The following TLK1 variants were observed in gnomAD, a reference collection of about 807,000 sequenced individuals.
TLK1 encodes serine/threonine-protein kinase tousled-like 1.
A neutral mutation model predicts 105.3 loss-of-function variants in TLK1; 24 were observed. The ratio of observed to expected loss-of-function variants is 0.23; its 90% confidence interval spans 0.17 to 0.32. TLK1 has a LOEUF of 0.32. Ranked by LOEUF, TLK1 falls within the 10% of genes least tolerant of loss-of-function variation. TLK1 has a pLI of 1.00. For synonymous variants in TLK1, 321 were observed against 310.4 expected, an observed-to-expected ratio of 1.03 and a Z score of -0.36; for missense variants, 558 against 910.5, an observed-to-expected ratio of 0.61 and a Z score of 4.98.
chr2:171,219,230 C>CCT (rs1424603873), intron 1 of TLK1, among the ~76,000 whole-genome samples: 1 of 152,146 alleles, frequency 6.6e-6, no homozygotes, highest in Non-Finnish European at 1.5e-5. Flanking sequence ...GGCTGCACAC[C>CCT]CTCTGTAGTC....
chr2:171,024,459 T>G (rs909738112), intron 12 of TLK1, among the ~76,000 whole-genome samples: 22 of 152,118 alleles, frequency 1.4e-4, no homozygotes, highest in Admixed American at 1.0e-3. Context: ...TGTTCTCCTT[T>G]ATCTGTAATG....
chr2:171,135,929 G>A (rs1049775812), intron 1 of TLK1, among the ~76,000 whole-genome samples: 4 of 152,156 alleles, frequency 2.6e-5, no homozygotes, highest in Non-Finnish European at 4.4e-5. Flanking sequence ...GTGGAAAAAT[G>A]GGAACCTTTG....
chr2:171,078,946 C>T (rs1392577871), intron 3 of TLK1, among the ~76,000 whole-genome samples: 1 of 152,208 alleles, frequency 6.6e-6, no homozygotes, highest in Non-Finnish European at 1.5e-5. Flanking sequence ...GGCTCTCTAC[C>T]TGAAGTCCAA....
intron 12 of TLK1, among the ~76,000 whole-genome samples, chr2:171,022,094 C>CACACAT (rs1553605665): frequency 1.3e-5 from 2 of 149,796 alleles, no homozygotes; most frequent in African/African-American, 5.0e-5. Context: ...AAAACACACA[C>CACACAT]ACACACACAC....
At chr2:171,141,577 G>A (rs1691576019) in intron 1 of TLK1, among the ~76,000 whole-genome samples, 1 of 151,998 alleles carries the variant, frequency 6.6e-6, no homozygotes, top group African/African-American at 2.4e-5. Flanking sequence ...AGATCTACAA[G>A]CTAGATTACA....
chr2:171,063,813 G>A (rs950502365), intron 3 of TLK1, among the ~76,000 whole-genome samples: 1 of 152,146 alleles, frequency 6.6e-6, no homozygotes, highest in Non-Finnish European at 1.5e-5. Context: ...CCATCAAAAT[G>A]CTAACATGCA....
intron 14 of TLK1, 67 bp downstream of exon 14, chr2:171,011,306 T>C (rs1025036942): frequency 3.6e-6 from 5 of 1,371,328 alleles, no homozygotes; most frequent in Admixed American, 2.1e-5. Flanking sequence ...CGTAAGTACT[T>C]CTTAACCACA....
chr2:171,107,984 G>C (rs552063407), intron 2 of TLK1, among the ~76,000 whole-genome samples: 111 of 151,824 alleles, frequency 7.3e-4, no homozygotes, highest in South Asian at 1.5e-3. Flanking sequence ...TTGAGCCTAG[G>C]AGGCAGAGGC....
chr2:171,171,476 T>C (rs1458933183), intron 1 of TLK1, among the ~76,000 whole-genome samples: 1 of 125,300 alleles, frequency 8.0e-6, no homozygotes, highest in Non-Finnish European at 1.6e-5. Flanking sequence ...CTGGGCAAAA[T>C]AGGAGACTCT....
In TLK1 at chr2:171,160,049, C is replaced by A. The variant is rs960493835; in HGVS notation, c.139+241G>T. ...CCAGGCGAGTCTATGCGCCTCGCCCCGTCCCCACCAGCGCGCACCCCCTCG... is the reference window on the plus strand; with the variant it reads ...CCAGGCGAGTCTATGCGCCTCGCCCAGTCCCCACCAGCGCGCACCCCCTCG... On this transcript the variant is annotated intron_variant, in intron 1 of 20. Coordinates refer to ENST00000431350, the MANE Select transcript of TLK1 (RefSeq NM_012290.5). The surrounding 1 kb of genome is among the most constrained non-coding windows in gnomAD (Gnocchi z 4.4). Among the ~76,000 whole-genome samples, 5 of 152,142 alleles carry A rather than the reference C, an allele frequency of 3.3e-5. No individual in the cohort carries two copies. Among genetic ancestry groups the A allele is most frequent in the Non-Finnish European group, 5.9e-5 (4 of 67,996 alleles).
chr2:171,018,454 A>G (rs1386844132), intron 12 of TLK1, among the ~76,000 whole-genome samples: 1 of 152,234 alleles, frequency 6.6e-6, no homozygotes. Flanking sequence ...CCCAGGGTAC[A>G]ATAGTTTGAA....
chr2:171,187,098 A>G (rs1368522852), intron 1 of TLK1, among the ~76,000 whole-genome samples: 1 of 151,184 alleles, frequency 6.6e-6, no homozygotes, highest in Non-Finnish European at 1.5e-5. Context: ...AAGAAAAAGA[A>G]AAAGAAAAGA....
At chr2:171,121,755 C>T (rs1157368811) in intron 1 of TLK1, among the ~76,000 whole-genome samples, 1 of 152,158 alleles carries the variant, frequency 6.6e-6, no homozygotes, top group Non-Finnish European at 1.5e-5. Flanking sequence ...TGGGGCCCTG[C>T]TTTGACCTAG....
At chr2:171,227,376 A>C (rs1293652090) in intron 1 of TLK1, among the ~76,000 whole-genome samples, 1 of 152,148 alleles carries the variant, frequency 6.6e-6, no homozygotes, top group Non-Finnish European at 1.5e-5. Flanking sequence ...ATAGAATGAG[A>C]GCCTGGAGTT....
chr2:171,066,949 T>C (rs1457612735), intron 3 of TLK1: 106 of 1,543,246 alleles, frequency 6.9e-5, no homozygotes, highest in Non-Finnish European at 9.1e-5. Flanking sequence ...TCTGGAAATG[T>C]TGGCATTTTG....
At position 171,053,774 on chromosome 2, in the gene TLK1, T is replaced by A; in HGVS notation, c.719A>T (p.Asp240Val). The A allele has an allele frequency of 1.2e-6, 2 of 1,607,114 alleles. No individual in the cohort carries two copies. The highest frequency in any genetic ancestry group is 1.7e-6 in the Non-Finnish European group (2 of 1,176,986). The part of the protein sequence containing the change: ...QDLEKKEGRI[D>V]DLLRANCDLR... The stretch of plus-strand genomic sequence containing the variant: ...CTCATTACTTACCCTGAGCAAATCA[T>A]CTATACGTCCCTCCTTCTTTTCCAG... The change falls in exon 8 of 21, where the codon GAT (aspartate) becomes GTT (valine). Residue 240 changes from aspartate (D) to valine (V), a missense_variant. Physicochemically the swap from Asp to Val is radical, Grantham distance 152. Around this residue, in one of 5 missense-constraint regions of TLK1, gnomAD observed 196 missense variants for 239.3 expected, o/e 0.82. Coordinates refer to ENST00000431350, the MANE Select transcript of TLK1 (RefSeq NM_012290.5).
upstream of TLK1, among the ~76,000 whole-genome samples, chr2:171,162,699 A>G (rs998379694): frequency 6.6e-6 from 1 of 152,108 alleles, no homozygotes; most frequent in African/African-American, 2.4e-5. Context: ...CTCTCCAACC[A>G]CAGATCTTTC....
intron 1 of TLK1, among the ~76,000 whole-genome samples, chr2:171,167,607 C>T (rs749874440): frequency 2.0e-5 from 3 of 152,106 alleles, no homozygotes; most frequent in South Asian, 2.1e-4. Context: ...GGCTAGATTA[C>T]ACTTCCTCTG....
At chr2:171,157,794 T>C (rs1444740744) in intron 1 of TLK1, among the ~76,000 whole-genome samples, 1 of 152,216 alleles carries the variant, frequency 6.6e-6, no homozygotes, top group African/African-American at 2.4e-5. Flanking sequence ...AAGGAGTTCA[T>C]CACATAGAAT....
Sources: gnomAD v4.1 joint callset for allele counts (sites outside exome capture counted in the v4.1 genomes callset) on GRCh38, gnomAD v4.1.1 for gene constraint, gnomAD v4.1.1 regional missense constraint, Gnocchi (gnomAD v3.1) non-coding constraint, MANE v1.5 for transcripts, NCBI Gene and HGNC (gene_info 2026-07-23, HGNC 2026-07-21) for gene names.